The following DPH6 variants were observed in gnomAD, a reference collection of about 807,000 sequenced individuals.
DPH6 encodes diphthamine biosynthesis 6.
In DPH6, 33 loss-of-function variants were observed where a neutral mutation model predicts 38.2. The ratio of observed to expected loss-of-function variants is 0.86; its 90% confidence interval spans 0.65 to 1.15. DPH6 has a LOEUF of 1.15. Among genes scored for constraint, DPH6 ranks in the 50% most tolerant of loss-of-function variants. The pLI is 0.00. For missense variants in DPH6, 325 were observed against 320.0 expected, an observed-to-expected ratio of 1.02 and a Z score of -0.12; for synonymous variants, 108 against 103.0, an observed-to-expected ratio of 1.05 and a Z score of -0.30.
chr15:35,421,194 C>T (rs1041883959), intron 5 of DPH6, among the ~76,000 whole-genome samples: 1 of 152,084 alleles, frequency 6.6e-6, no homozygotes, highest in Admixed American at 6.6e-5. Context: ...AACTTCATGG[C>T]TGAATTCTAC....
chr15:35,295,357 A>G (rs1595465044), intron 3 of DPH6, among the ~76,000 whole-genome samples: 1 of 152,206 alleles, frequency 6.6e-6, no homozygotes, highest in African/African-American at 2.4e-5. Context: ...TTTTGCTCAC[A>G]GTGAAGACAG....
intron 3 of DPH6, among the ~76,000 whole-genome samples, chr15:35,308,548 G>T (rs2052112849): frequency 6.6e-6 from 1 of 151,742 alleles, no homozygotes; most frequent in Admixed American, 6.6e-5. Flanking sequence ...AGTGCCTGGT[G>T]GCCAAAAAGA....
At chr15:35,377,084 A>G (rs773715143) in intron 7 of DPH6, among the ~76,000 whole-genome samples, 1 of 152,200 alleles carries the variant, frequency 6.6e-6, no homozygotes, top group Non-Finnish European at 1.5e-5. Context: ...TTTAAATATA[A>G]GGAAAATAGC....
intron 3 of DPH6, among the ~76,000 whole-genome samples, chr15:35,303,861 T>C (rs1214752917): frequency 6.6e-6 from 1 of 151,124 alleles, no homozygotes; most frequent in African/African-American, 2.5e-5. Flanking sequence ...CAAAAGCTAA[T>C]CATTTTTTTT....
At chr15:35,442,265 T>C (rs574911710) in intron 5 of DPH6, among the ~76,000 whole-genome samples, 22 of 152,268 alleles carry the variant, frequency 1.4e-4, no homozygotes, top group African/African-American at 5.3e-4. Flanking sequence ...GGCCAATAAA[T>C]GCATGAGAAG....
At chr15:35,199,204 C>T in the DPH6 span, among the ~76,000 whole-genome samples, 3 of 152,146 alleles carry the variant, frequency 2.0e-5, no homozygotes, top group Non-Finnish European at 1.5e-5. Flanking sequence ...TGAGCCACCA[C>T]GCCCAGCGAA....
At chr15:35,159,100 C>G in the DPH6 span, among the ~76,000 whole-genome samples, 1 of 151,998 alleles carries the variant, frequency 6.6e-6, no homozygotes, top group African/African-American at 2.4e-5. Context: ...TCCTTTTTCC[C>G]CAAATTCCGA....
intron 3 of DPH6, among the ~76,000 whole-genome samples, chr15:35,254,001 T>C (rs1403079155): frequency 6.6e-6 from 1 of 152,198 alleles, no homozygotes; most frequent in East Asian, 1.9e-4. Flanking sequence ...AAAAAGGCTA[T>C]CATTTGTTGA....
At chr15:35,217,256 C>G (rs181568570), downstream of DPH6, 6 of 152,216 alleles carry the variant, frequency 3.9e-5, no homozygotes, top group East Asian at 1.2e-3. Flanking sequence ...ATTAGATAAC[C>G]TTGCATTTTC....
intron 3 of DPH6, among the ~76,000 whole-genome samples, chr15:35,514,371 C>T (rs544434193): frequency 6.6e-6 from 1 of 152,028 alleles, no homozygotes; most frequent in Non-Finnish European, 1.5e-5. Context: ...AAACAAGTCC[C>T]TTGATATTAG....
At chr15:35,356,847 C>T (rs140361740) in intron 3 of DPH6, among the ~76,000 whole-genome samples, 27 of 152,308 alleles carry the variant, frequency 1.8e-4, no homozygotes, top group Middle Eastern at 3.4e-3. Flanking sequence ...GAGGTTTCTG[C>T]TGTCTTTTGT....
rs111699742 is a variant in DPH6 at position 35,485,799 on chromosome 15, T to C, written c.313-30979A>G. On this transcript the variant is annotated intron_variant, in intron 3 of 8. Transcript: ENST00000256538. ...GACAGTTTACCATTGTATGCGATAT[T>C]TGGATTATGGTGATATGATGAGTAT... Among the ~76,000 whole-genome samples the C allele has an allele frequency of 2.9e-3, 436 of 152,312 alleles. 2 individuals are homozygous for C. The highest frequency in any genetic ancestry group is 0.01 in the African/African-American group (424 of 41,566).
intron 3 of DPH6, among the ~76,000 whole-genome samples, chr15:35,245,286 T>C (rs1172385277): frequency 7.4e-6 from 1 of 135,116 alleles, no homozygotes; most frequent in South Asian, 2.5e-4. Flanking sequence ...TCGCCCAGGC[T>C]GGAGTGCAGT....
intron 3 of DPH6, among the ~76,000 whole-genome samples, chr15:35,518,052 T>C (rs16961170): frequency 0.024 from 3,658 of 152,170 alleles, 136 homozygotes; most frequent in African/African-American, 0.079. Flanking sequence ...CTTTTATGCA[T>C]GAGGTGTTTG....
At chr15:35,500,737 T>G (rs1326522565) in intron 3 of DPH6, among the ~76,000 whole-genome samples, 1 of 152,188 alleles carries the variant, frequency 6.6e-6, no homozygotes, top group Non-Finnish European at 1.5e-5. Context: ...GATTTTAGTA[T>G]GTGTTCCCTT....
At position 35,371,004 on chromosome 15, in the gene DPH6, C is replaced by CT. The variant is rs1408739684; in HGVS notation, c.*1145dup. ...CCAGACAATAAAATTTTATTCTACACTAAAAAAAAAATGAGCTACATATAC... is the reference window on the plus strand; with the variant it reads ...CCAGACAATAAAATTTTATTCTACACTTAAAAAAAAAATGAGCTACATATAC... On this transcript the variant is annotated 3_prime_UTR_variant, in exon 9 of 9. Transcript: ENST00000256538. 1 of 150,120 alleles carries CT rather than the reference C, an allele frequency of 6.7e-6. No individual in the cohort carries two copies. Among genetic ancestry groups the CT allele is most frequent in the Non-Finnish European group, 1.5e-5 (1 of 67,330 alleles). 9.3% of individuals were successfully genotyped at this position (150,120 alleles called of 1,614,324 possible). A position where few individuals can be genotyped will look rare whatever the true frequency, so the allele number is the denominator to read the frequency against.
rs1171377552 is a variant in DPH6 at position 35,388,266 on chromosome 15, G to A, written c.568-6350C>T. Among the ~76,000 whole-genome samples the A allele has an allele frequency of 4.6e-5, 7 of 152,152 alleles. No homozygotes were observed. The South Asian group carries it at 1.2e-3, about 27-fold the overall frequency. ...TGCCAGTATTTTATTGAGGATTTTTGCATCAATGTTCATCAGGGATATTGG... is the reference window on the plus strand; with the variant it reads ...TGCCAGTATTTTATTGAGGATTTTTACATCAATGTTCATCAGGGATATTGG... On this transcript the variant is annotated intron_variant, in intron 6 of 8. Transcript: ENST00000256538.
chr15:35,436,484 C>CAAAAAAAA (rs1343960472), intron 5 of DPH6, among the ~76,000 whole-genome samples: 1 of 38,004 alleles, frequency 2.6e-5, no homozygotes, highest in African/African-American at 5.1e-5. Flanking sequence ...CAAACAAAAA[C>CAAAAAAAA]AAAACAAAAC....
chr15:35,401,117 A>G, intron 6 of DPH6: 1 of 926,948 alleles, frequency 1.1e-6, no homozygotes, highest in Admixed American at 1.7e-5. Flanking sequence ...TTTGATGACC[A>G]TGACTTTGTG....
Sources: allele counts gnomAD v4.1 joint callset (sites outside exome capture counted in the v4.1 genomes callset), GRCh38; gene constraint gnomAD v4.1.1; transcripts MANE v1.5; gene names NCBI Gene and HGNC (gene_info 2026-07-23, HGNC 2026-07-21).